Variants in IPO11 observed in about 807,000 individuals in gnomAD.
The protein encoded by IPO11 is importin 11.
IPO11 carries 66 observed loss-of-function variants against 143.2 expected under a neutral mutation model. The ratio of observed to expected loss-of-function variants is 0.46; its 90% CI spans 0.38 to 0.57. IPO11 has a LOEUF of 0.57. Ranked by LOEUF, IPO11 falls within the 20% of genes least tolerant of loss-of-function variation. The probability of loss-of-function intolerance (pLI) is 0.00; values close to 1 mark genes in which losing one functional copy is unlikely to be tolerated. For missense variants in IPO11, 1,026 were observed against 1,141.0 expected (o/e 0.90, Z 1.45); for synonymous variants, 385 against 377.8 (o/e 1.02, Z -0.22).
At chr5:62,612,386 T>C (rs898216643) in intron 29 of IPO11, among the ~76,000 whole-genome samples, 6 of 152,178 alleles carry the variant, frequency 3.9e-5, no homozygotes, top group African/African-American at 1.4e-4. Context: ...CAAAGAAGAA[T>C]ATCCAAAATG....
chr5:62,578,569 T>C (rs1356917943), intron 27 of IPO11: 1 of 336,188 alleles, frequency 3.0e-6, no homozygotes, highest in Non-Finnish European at 5.8e-6. Context: ...TTAAAAACTA[T>C]TATTTTTATA....
chr5:62,574,705 C>T (rs951521850), intron 27 of IPO11, among the ~76,000 whole-genome samples: 1 of 152,166 alleles, frequency 6.6e-6, no homozygotes, highest in Non-Finnish European at 1.5e-5. Context: ...TCATCATATA[C>T]TCGCAATGAG....
intron 21 of IPO11, among the ~76,000 whole-genome samples, chr5:62,526,921 A>T (rs1054464077): frequency 1.3e-5 from 2 of 152,260 alleles, no homozygotes; most frequent in South Asian, 4.1e-4. Flanking sequence ...AAGAAAGCAA[A>T]TCATAGAAAT....
chr5:62,543,469 G>T (rs545985791), intron 24 of IPO11, among the ~76,000 whole-genome samples: 3 of 152,278 alleles, frequency 2.0e-5, no homozygotes, highest in South Asian at 2.1e-4. Context: ...TAGTTAATTT[G>T]CATAGAGATG....
intron 5 of IPO11, 145 bp from the exon 6 acceptor site, chr5:62,466,986 A>G (rs937851788): frequency 1.3e-6 from 1 of 759,312 alleles, no homozygotes. Context: ...AGTATGAAAC[A>G]TTGCCACAAA....
At chr5:62,490,291 G>C in intron 15 of IPO11, 71 bp downstream of exon 15, 2 of 930,084 alleles carry the variant, frequency 2.2e-6, no homozygotes, top group South Asian at 4.2e-5. Context: ...AGACAGGAAG[G>C]CATTAAAATG....
At chr5:62,531,266 C>G (rs1427517453) in intron 22 of IPO11, among the ~76,000 whole-genome samples, 2 of 152,204 alleles carry the variant, frequency 1.3e-5, no homozygotes, top group Non-Finnish European at 2.9e-5. Context: ...CAGCTTCAAA[C>G]TACTGGACTG....
At chr5:62,470,391 A>C in intron 7 of IPO11, 83 bp downstream of exon 7, 1 of 1,190,964 alleles carries the variant, frequency 8.4e-7, no homozygotes, top group Non-Finnish European at 1.2e-6. Flanking sequence ...TTTATTTGGC[A>C]TTCAATTAGA....
At chr5:62,513,479 T>A (rs1164004635) in intron 19 of IPO11, among the ~76,000 whole-genome samples, 1 of 95,164 alleles carries the variant, frequency 1.1e-5, no homozygotes, top group African/African-American at 3.9e-5. Context: ...CACTTCCCAG[T>A]AGGGGCGGCC....
intron 29 of IPO11, among the ~76,000 whole-genome samples, chr5:62,625,865 G>T (rs114965312): frequency 0.021 from 3,136 of 152,230 alleles, 48 homozygotes; most frequent in Non-Finnish European, 0.028. Flanking sequence ...CCACAGAGGG[G>T]TATACTTTTC....
intron 5 of IPO11, among the ~76,000 whole-genome samples, chr5:62,464,112 C>A (rs1371819796): frequency 6.6e-6 from 1 of 150,782 alleles, no homozygotes; most frequent in African/African-American, 2.4e-5. Context: ...GCGTGAGCCA[C>A]CGCATCTGGT....
At chr5:62,620,517 T>TAAA (rs71608518) in intron 29 of IPO11, among the ~76,000 whole-genome samples, 5 of 105,788 alleles carry the variant, frequency 4.7e-5, no homozygotes, top group Admixed American at 1.0e-4. Context: ...AGACTCTGTC[T>TAAA]AAAAAAAAAA....
intron 20 of IPO11, among the ~76,000 whole-genome samples, chr5:62,519,398 G>A (rs1742134039): frequency 6.6e-6 from 1 of 152,042 alleles, no homozygotes; most frequent in Non-Finnish European, 1.5e-5. Context: ...CATATCATAG[G>A]TTTCTCAGTC....
chr5:62,517,451 G>A (rs1045972728), intron 20 of IPO11, among the ~76,000 whole-genome samples: 1 of 152,144 alleles, frequency 6.6e-6, no homozygotes, highest in African/African-American at 2.4e-5. Context: ...TGCCCAGGCT[G>A]GCGTGCAATG....
At chr5:62,553,133 T>C (rs971821165) in intron 26 of IPO11, among the ~76,000 whole-genome samples, 2 of 152,182 alleles carry the variant, frequency 1.3e-5, no homozygotes, top group Non-Finnish European at 2.9e-5. Flanking sequence ...TTTCCCAGTC[T>C]AGTAACCACT....
chr5:62,473,400 T>C (rs908457886), intron 7 of IPO11, among the ~76,000 whole-genome samples: 1 of 152,148 alleles, frequency 6.6e-6, no homozygotes, highest in African/African-American at 2.4e-5. Flanking sequence ...ACTAGTTTTT[T>C]GATGAGTCAG....
In IPO11 at chr5:62,627,453, A is replaced by T; in HGVS notation, c.*135A>T. On this transcript the variant is annotated 3_prime_UTR_variant, in exon 30 of 30. Coordinates refer to ENST00000325324, the MANE Select transcript of IPO11 (RefSeq NM_016338.5). ...GCAAAGACCACACATTTTTTACTAC[A>T]AAATGTAAAGGATAAATGTAAATCC... The T allele has an allele frequency of 1.3e-6, 1 of 775,172 alleles. No individual in the cohort carries two copies. Among genetic ancestry groups the T allele is most frequent in the Non-Finnish European group, 2.0e-6 (1 of 491,874 alleles). 48.0% of individuals were successfully genotyped at this position (775,172 alleles called of 1,614,324 possible).
rs1372889575 is a variant in IPO11 at position 62,461,594 on chromosome 5, A to T, written c.517-5537A>T. Among the ~76,000 whole-genome samples the T allele has an allele frequency of 2.6e-5, 4 of 152,156 alleles. No individual in the cohort carries two copies. The East Asian group carries it at 7.7e-4, about 29-fold the overall frequency. On this transcript the variant is annotated intron_variant, in intron 5 of 29. Transcript: ENST00000325324. ...GAGACCTTTCGTAGGCTAGCTAGAG[A>T]GTCTTGAATTAGAACTTTAAGAGAT...
At chr5:62,427,730 C>T (rs1438368747) in intron 1 of IPO11, among the ~76,000 whole-genome samples, 1 of 151,902 alleles carries the variant, frequency 6.6e-6, no homozygotes, top group Non-Finnish European at 1.5e-5. Flanking sequence ...AGAAACCATC[C>T]CCCCCTGCCC....
Sources: gnomAD v4.1 joint callset for allele counts (sites outside exome capture counted in the v4.1 genomes callset) on GRCh38, gnomAD v4.1.1 for gene constraint, MANE v1.5 for transcripts, NCBI Gene and HGNC (gene_info 2026-07-23, HGNC 2026-07-21) for gene names.